Variants in PCDHA3 observed in about 807,000 individuals in gnomAD.
PCDHA3 encodes protocadherin alpha-3.
Under a neutral mutation model 62.2 loss-of-function variants are expected in PCDHA3, and 41 were observed. The ratio of observed to expected loss-of-function variants is 0.66; its 90% CI spans 0.51 to 0.86. PCDHA3 has a LOEUF of 0.86. PCDHA3 is among the 40% of genes least tolerant of loss of function. The pLI is 0.00. For missense variants in PCDHA3, 1,304 were observed against 1,241.2 expected, an observed-to-expected ratio of 1.05 and a Z score of -0.76; for synonymous variants, 640 against 555.4, an observed-to-expected ratio of 1.15 and a Z score of -2.14.
intron 1 of PCDHA3, chr5:140,860,410 A>T (rs2046380485): frequency 6.6e-6 from 1 of 152,082 alleles, no homozygotes; most frequent in Non-Finnish European, 1.5e-5. Context: ...AGCAATAGTA[A>T]CACCATTATC....
chr5:140,849,506 T>C, intron 1 of PCDHA3: 1 of 1,596,374 alleles, frequency 6.3e-7, no homozygotes, highest in African/African-American at 1.4e-5. Context: ...GTACACTTCT[T>C]GTGGAAGTTG....
At chr5:140,996,123 G>A (rs1554255007) in intron 3 of PCDHA3, among the ~76,000 whole-genome samples, 2 of 152,238 alleles carry the variant, frequency 1.3e-5, no homozygotes, top group African/African-American at 2.4e-5. Flanking sequence ...GCAGGGTGGT[G>A]TAGAGGGTTC....
Position 140,843,621 on chromosome 5 carries a change from C to T in PCDHA3, c.2394+40030C>T, listed in dbSNP as rs2150363692. On this transcript the variant is annotated intron_variant, in intron 1 of 3. Transcript: ENST00000522353. ...TGCTCTGGTGAGGGGCCACCGAAGA[C>T]GGACCTCATGGCCTTCAGCCCCTGC... The T allele has an allele frequency of 1.0e-5, 16 of 1,596,050 alleles. 1 individual carries two copies. The South Asian group carries it at 1.8e-4, about 18-fold the overall frequency.
chr5:140,885,161 T>C (rs1554182019), intron 1 of PCDHA3, among the ~76,000 whole-genome samples: 1 of 151,600 alleles, frequency 6.6e-6, no homozygotes, highest in Non-Finnish European at 1.5e-5. Flanking sequence ...TTGTCTCTAC[T>C]TTTTTGTCCT....
chr5:140,863,527 G>C, intron 1 of PCDHA3: 1 of 392,272 alleles, frequency 2.5e-6, no homozygotes, highest in Non-Finnish European at 5.0e-6. Context: ...CCATGGTTCA[G>C]ATTTTGGAGA....
rs782647258 is a variant in PCDHA3 at position 140,869,948 on chromosome 5, T to A, written c.2394+66357T>A. The A allele has an allele frequency of 3.7e-6, 6 of 1,612,586 alleles. No individual in the cohort carries two copies. The South Asian group carries it at 5.5e-5, about 15-fold the overall frequency. ...AATGGAGAGGTAACATACTCCTTAA[T>A]GTCAATTAAGCCCAATGGAAGACAC... On this transcript the variant is annotated intron_variant, in intron 1 of 3. Coordinates refer to ENST00000522353, the MANE Select transcript of PCDHA3 (RefSeq NM_018906.3).
At chr5:140,960,267 C>T (rs1182915204) in intron 1 of PCDHA3, among the ~76,000 whole-genome samples, 3 of 152,266 alleles carry the variant, frequency 2.0e-5, no homozygotes, top group South Asian at 2.1e-4. Flanking sequence ...CTGATAAATT[C>T]CGTCACCTTT....
chr5:140,967,998 G>A lies in PCDHA3; in HGVS notation c.2395-10951G>A, dbSNP rs1554230183. The A allele has an allele frequency of 1.9e-6, 3 of 1,614,040 alleles. No individual in the cohort carries two copies. Among genetic ancestry groups the A allele is most frequent in the African/African-American group, 1.3e-5 (1 of 74,916 alleles). The stretch of plus-strand genomic sequence containing the variant: ...GGTCTGGAGGCCACACTGCCTTTCC[G>A]ACTGAATGGCTTTGGAAACTCCTAT... On this transcript the variant is annotated intron_variant, in intron 1 of 3. Transcript: ENST00000522353.
intron 1 of PCDHA3, among the ~76,000 whole-genome samples, chr5:140,909,091 C>T: frequency 6.6e-6 from 1 of 152,220 alleles, no homozygotes; most frequent in Non-Finnish European, 1.5e-5. Flanking sequence ...TGCTACTTCT[C>T]ACTCACTGGG....
intron 1 of PCDHA3, chr5:140,842,727 C>A (rs1554139317): frequency 6.3e-7 from 1 of 1,594,926 alleles, no homozygotes; most frequent in East Asian, 2.2e-5. Flanking sequence ...GAGAACAACC[C>A]GCCGGGCTGC....
intron 1 of PCDHA3, among the ~76,000 whole-genome samples, chr5:140,893,478 C>T (rs1365540423): frequency 2.6e-5 from 4 of 151,996 alleles, no homozygotes; most frequent in African/African-American, 9.7e-5. Flanking sequence ...CATAGCAAGA[C>T]CCTGTTCTTC....
Position 140,982,581 on chromosome 5 carries a change from C to T in PCDHA3, c.2542+18C>T, listed in dbSNP as rs782060139. On this transcript the variant is annotated intron_variant, in intron 3 of 3. Transcript: ENST00000522353. ...AACACCAGGTAAAGAGCTGGGGTCT[C>T]TCCATTCTTTCTTGGTTTCTGGAAA... 9 of 1,612,098 alleles carry T rather than the reference C, an allele frequency of 5.6e-6. No individual in the cohort carries two copies. The highest frequency in any genetic ancestry group is 4.0e-5 in the African/African-American group (3 of 74,892).
At chr5:140,982,711 A>T (rs370595783) in intron 3 of PCDHA3, 148 bp downstream of exon 3, 2 of 1,370,268 alleles carry the variant, frequency 1.5e-6, no homozygotes, top group African/African-American at 2.9e-5. Context: ...TTCCTTACAT[A>T]TATGATTATT....
chr5:140,950,110 C>A (rs542585854), intron 1 of PCDHA3, among the ~76,000 whole-genome samples: 23 of 151,848 alleles, frequency 1.5e-4, no homozygotes, highest in African/African-American at 5.5e-4. Context: ...AAATCTCATA[C>A]AATACAAAAC....
At chr5:140,823,280 C>G in intron 1 of PCDHA3, 1 of 1,612,450 alleles carries the variant, frequency 6.2e-7, no homozygotes, top group Non-Finnish European at 8.5e-7. Flanking sequence ...GGCGAGCGCC[C>G]GCTGTCGAGT....
intron 1 of PCDHA3, among the ~76,000 whole-genome samples, chr5:140,900,662 G>C (rs2068213556): frequency 6.6e-6 from 1 of 152,190 alleles, no homozygotes; most frequent in South Asian, 2.1e-4. Flanking sequence ...ATGAACAATG[G>C]GAGTGCAGTT....
chr5:141,009,576 T>C (rs2098411921), intron 3 of PCDHA3, 51 bp from the exon 4 acceptor site: 1 of 1,583,566 alleles, frequency 6.3e-7, no homozygotes. Flanking sequence ...CAGTGTGGCA[T>C]CAAGAGCATG....
chr5:141,004,871 C>T (rs2098186149), intron 3 of PCDHA3, among the ~76,000 whole-genome samples: 2 of 152,126 alleles, frequency 1.3e-5, no homozygotes, highest in South Asian at 4.1e-4. Context: ...TGTTTCTCAT[C>T]CCTAAAGTGC....
At chr5:140,809,746 C>A in intron 1 of PCDHA3, 2 of 665,558 alleles carry the variant, frequency 3.0e-6, no homozygotes, top group Non-Finnish European at 4.9e-6. Flanking sequence ...TATATATTGC[C>A]TTCCTTCATT....
Sources: gnomAD v4.1 joint callset for allele counts (sites outside exome capture counted in the v4.1 genomes callset) on GRCh38, gnomAD v4.1.1 for gene constraint, MANE v1.5 for transcripts, NCBI Gene and HGNC (gene_info 2026-07-23, HGNC 2026-07-21) for gene names.